Variants in LRRC4C observed in about 807,000 individuals in gnomAD.
LRRC4C encodes leucine rich repeat containing 4C, also known as leucine-rich repeat-containing protein 4C.
Under a neutral mutation model 33.6 loss-of-function variants are expected in LRRC4C, and 5 were observed. The observed-to-expected ratio is 0.15, with a 90% CI of 0.08 to 0.31. LRRC4C has a LOEUF of 0.31. Among genes scored for constraint, LRRC4C ranks in the 10% least tolerant of loss-of-function variants. The pLI is 1.00. For synonymous variants in LRRC4C, 329 were observed against 302.0 expected (o/e 1.09, Z -0.93); for missense variants, 560 against 796.7 (o/e 0.70, Z 3.58).
At chr11:41,151,757 CA>C (rs1309180598) in intron 1 of LRRC4C, among the ~76,000 whole-genome samples, 1 of 152,122 alleles carries the variant, frequency 6.6e-6, no homozygotes, top group Non-Finnish European at 1.5e-5. Flanking sequence ...AGATGGCCAA[CA>C]CTATTAAAAC....
intron 2 of LRRC4C, among the ~76,000 whole-genome samples, chr11:40,920,704 T>C (rs796496244): frequency 1.8e-4 from 27 of 152,170 alleles, no homozygotes; most frequent in African/African-American, 6.0e-4. Flanking sequence ...AACATGGATA[T>C]CACAATGAGA....
At chr11:41,374,189 G>A (rs576860839) in intron 1 of LRRC4C, among the ~76,000 whole-genome samples, 1 of 152,166 alleles carries the variant, frequency 6.6e-6, no homozygotes, top group South Asian at 2.1e-4. Context: ...CAGCACTAAG[G>A]TTTGAATTGG....
chr11:40,417,607 C>T (rs1366701351), intron 3 of LRRC4C, among the ~76,000 whole-genome samples: 1 of 152,198 alleles, frequency 6.6e-6, no homozygotes, highest in Middle Eastern at 3.4e-3. Context: ...CTACCTCGGC[C>T]TCCCAAAGTG....
chr11:40,897,451 A>G (rs868048212), intron 2 of LRRC4C, among the ~76,000 whole-genome samples: 1 of 152,194 alleles, frequency 6.6e-6, no homozygotes, highest in Non-Finnish European at 1.5e-5. Flanking sequence ...TAATTGAATC[A>G]TCATGTCATC....
intron 3 of LRRC4C, among the ~76,000 whole-genome samples, chr11:40,546,025 A>G (rs1956898786): frequency 6.6e-6 from 1 of 151,870 alleles, no homozygotes; most frequent in East Asian, 1.9e-4. Context: ...AATATATAAG[A>G]AAGCAATATG....
intron 1 of LRRC4C, among the ~76,000 whole-genome samples, chr11:41,115,696 T>C (rs1942080598): frequency 6.6e-6 from 1 of 152,138 alleles, no homozygotes; most frequent in Admixed American, 6.6e-5. Flanking sequence ...GCCCAATAGC[T>C]GAGATCCACT....
intron 5 of LRRC4C, among the ~76,000 whole-genome samples, chr11:40,185,157 C>T (rs144598072): frequency 1.3e-5 from 2 of 152,182 alleles, no homozygotes; most frequent in African/African-American, 2.4e-5. Context: ...GCTAACTGCA[C>T]TTAGCTTTTG....
intron 1 of LRRC4C, among the ~76,000 whole-genome samples, chr11:41,348,305 T>C (rs566061591): frequency 3.3e-5 from 5 of 152,242 alleles, no homozygotes; most frequent in East Asian, 3.9e-4. Flanking sequence ...ACTCAATTCA[T>C]GGTGGTCAGA....
intron 3 of LRRC4C, among the ~76,000 whole-genome samples, chr11:40,587,781 T>C (rs981072559): frequency 2.0e-5 from 3 of 152,162 alleles, no homozygotes; most frequent in African/African-American, 7.2e-5. Context: ...ATTACATGTA[T>C]TGATTTGCGT....
At chr11:41,350,817 C>T (rs1951955496) in intron 1 of LRRC4C, among the ~76,000 whole-genome samples, 1 of 152,176 alleles carries the variant, frequency 6.6e-6, no homozygotes, top group African/African-American at 2.4e-5. Flanking sequence ...AGCTATCAAA[C>T]ACACTACAGG....
intron 3 of LRRC4C, among the ~76,000 whole-genome samples, chr11:40,534,900 CAA>C (rs1324195859): frequency 1.3e-5 from 2 of 152,096 alleles, no homozygotes. Context: ...ACAGTAAAAA[CAA>C]AGAGGAGAAA....
chr11:41,239,038 G>C (rs1245848569), intron 1 of LRRC4C, among the ~76,000 whole-genome samples: 2 of 150,626 alleles, frequency 1.3e-5, no homozygotes, highest in African/African-American at 4.9e-5. Context: ...AGTATTGGCC[G>C]GGCACGGTGT....
intron 1 of LRRC4C, among the ~76,000 whole-genome samples, chr11:41,307,512 A>G (rs990977895): frequency 6.6e-6 from 1 of 152,200 alleles, no homozygotes; most frequent in Non-Finnish European, 1.5e-5. Context: ...CAGCCAATGA[A>G]TGGGCCCTTA....
At chr11:40,585,289 C>A (rs1001966246) in intron 3 of LRRC4C, among the ~76,000 whole-genome samples, 6 of 152,136 alleles carry the variant, frequency 3.9e-5, no homozygotes, top group African/African-American at 1.4e-4. Flanking sequence ...CTACATCACT[C>A]TGGCATCTCC....
intron 1 of LRRC4C, among the ~76,000 whole-genome samples, chr11:40,940,106 G>A (rs1454427695): frequency 6.6e-6 from 1 of 152,056 alleles, no homozygotes; most frequent in Non-Finnish European, 1.5e-5. Context: ...AATACCTGCT[G>A]TTACTTTAAT....
intron 2 of LRRC4C, among the ~76,000 whole-genome samples, chr11:40,757,419 G>T: frequency 6.6e-6 from 1 of 151,982 alleles, no homozygotes; most frequent in Non-Finnish European, 1.5e-5. Flanking sequence ...AGAAAAATTA[G>T]TACATTGCTC....
chr11:40,804,320 A>G (rs1184185645), intron 2 of LRRC4C, among the ~76,000 whole-genome samples: 1 of 152,210 alleles, frequency 6.6e-6, no homozygotes, highest in Non-Finnish European at 1.5e-5. Flanking sequence ...AATATTCACT[A>G]GAATAAGAAA....
intron 4 of LRRC4C, among the ~76,000 whole-genome samples, chr11:40,309,732 C>A (rs1945209554): frequency 6.6e-6 from 1 of 152,130 alleles, no homozygotes; most frequent in Admixed American, 6.5e-5. Flanking sequence ...GTCTCAAACT[C>A]CTGAGCTTAA....
At chr11:41,417,135 G>A (rs1047548810) in intron 1 of LRRC4C, among the ~76,000 whole-genome samples, 2 of 152,002 alleles carry the variant, frequency 1.3e-5, no homozygotes, top group Admixed American at 6.6e-5. Flanking sequence ...AAATTGTGAG[G>A]AAATGCCATC....
Sources: allele counts gnomAD v4.1 joint callset (sites outside exome capture counted in the v4.1 genomes callset), GRCh38; gene constraint gnomAD v4.1.1; transcripts MANE v1.5; gene names NCBI Gene and HGNC (gene_info 2026-07-23, HGNC 2026-07-21).